The following BMPR1A variants were observed in gnomAD, a reference collection of about 807,000 sequenced individuals.
The protein encoded by BMPR1A is bone morphogenetic protein receptor type 1A.
A neutral mutation model predicts 66.0 loss-of-function variants in BMPR1A; 7 were observed. The ratio of observed to expected loss-of-function variants is 0.11; its 90% CI spans 0.06 to 0.20. The LOEUF (loss-of-function observed/expected upper bound fraction) is 0.20, where lower values mean the gene tolerates loss of function less well. Among genes scored for constraint, BMPR1A ranks in the 10% least tolerant of loss-of-function variants. The pLI, the probability that BMPR1A is intolerant of heterozygous loss-of-function variation, is 1.00. For synonymous variants in BMPR1A, 200 were observed against 229.7 expected, an observed-to-expected ratio of 0.87 and a Z score of 1.17; for missense variants, 408 against 669.1, an observed-to-expected ratio of 0.61 and a Z score of 4.31.
chr10:86,826,895 G>A (rs1842203406), intron 1 of BMPR1A, among the ~76,000 whole-genome samples: 1 of 148,844 alleles, frequency 6.7e-6, no homozygotes, highest in Non-Finnish European at 1.5e-5. Flanking sequence ...TTTATGTAAT[G>A]TGGGCATAGA....
chr10:86,828,755 G>T (rs1340294170), intron 1 of BMPR1A, among the ~76,000 whole-genome samples: 1 of 151,002 alleles, frequency 6.6e-6, no homozygotes, highest in African/African-American at 2.4e-5. Context: ...AAAACAAATG[G>T]TCTATTGATA....
intron 1 of BMPR1A, among the ~76,000 whole-genome samples, chr10:86,769,747 A>G (rs1841221720): frequency 6.6e-6 from 1 of 152,218 alleles, no homozygotes; most frequent in Admixed American, 6.5e-5. Context: ...TAAGAGAACC[A>G]TTCCTGGAGG....
chr10:86,831,847 C>T lies in BMPR1A; in HGVS notation c.-267-7018C>T, dbSNP rs1005857089. ...TCATTTTACCTACTTTTGGATTTTT[C>T]TCTTCAATGCCATTTGTCATTAACT... is the stretch of plus-strand genomic sequence containing the variant. On this transcript the variant is annotated intron_variant, in intron 1 of 12. Coordinates refer to ENST00000372037, the MANE Select transcript of BMPR1A (RefSeq NM_004329.3). Among the ~76,000 whole-genome samples, 43 of 152,170 alleles carry T rather than the reference C, an allele frequency of 2.8e-4. 1 individual carries two copies. The highest frequency in any genetic ancestry group is 2.4e-3 in the Admixed American group (37 of 15,280).
chr10:86,757,471 T>C (rs1056116570), intron 1 of BMPR1A, among the ~76,000 whole-genome samples: 1 of 152,186 alleles, frequency 6.6e-6, no homozygotes, highest in African/African-American at 2.4e-5. Context: ...TACTTCAGTT[T>C]TGGAAAACTT....
At chr10:86,806,037 T>C (rs1841885439) in intron 1 of BMPR1A, among the ~76,000 whole-genome samples, 1 of 152,116 alleles carries the variant, frequency 6.6e-6, no homozygotes, top group South Asian at 2.1e-4. Flanking sequence ...TTTCATGACA[T>C]CAACATTTTT....
chr10:86,912,811 AAG>A (rs1461346787), intron 8 of BMPR1A, among the ~76,000 whole-genome samples: 2 of 151,872 alleles, frequency 1.3e-5, no homozygotes, highest in Non-Finnish European at 2.9e-5. Flanking sequence ...TGAAATAAAA[AAG>A]AAGTTTCAAC....
chr10:86,907,351 G>A (rs1843412185), intron 7 of BMPR1A, among the ~76,000 whole-genome samples: 1 of 152,226 alleles, frequency 6.6e-6, no homozygotes, highest in Non-Finnish European at 1.5e-5. Flanking sequence ...GGGAGGGTAT[G>A]GAGAAAGGGG....
Position 86,926,735 on chromosome 10 carries a change from GTGT to G in BMPR1A, c.*3018_*3020del. 5.4e-6 allele frequency: 1 copy of G among 183,756 alleles called. No individual in the cohort carries two copies. The highest frequency in any genetic ancestry group is 1.2e-5 in the Non-Finnish European group (1 of 86,546). 11.4% of individuals were successfully genotyped at this position (183,756 alleles called of 1,614,324 possible). On this transcript the variant is annotated 3_prime_UTR_variant, in exon 13 of 13. Coordinates refer to ENST00000372037, the MANE Select transcript of BMPR1A (RefSeq NM_004329.3). ...ATTATTTGGTCCCACTTGCAATTTA[GTGT>G]TTTTGAAGTGTGTAGCTTCATTCAG...
intron 5 of BMPR1A, among the ~76,000 whole-genome samples, chr10:86,899,190 G>T (rs904341858): frequency 6.6e-6 from 1 of 152,232 alleles, no homozygotes; most frequent in African/African-American, 2.4e-5. Flanking sequence ...AACATCACAT[G>T]CAAGTGCTGC....
intron 1 of BMPR1A, among the ~76,000 whole-genome samples, chr10:86,813,016 A>G (rs946514419): frequency 2.6e-5 from 4 of 152,098 alleles, no homozygotes; most frequent in Non-Finnish European, 5.9e-5. Flanking sequence ...TACTGTCTTC[A>G]TAGTTTTGCT....
chr10:86,913,845 T>G (rs1428875165), intron 8 of BMPR1A, among the ~76,000 whole-genome samples: 1 of 152,156 alleles, frequency 6.6e-6, no homozygotes, highest in Non-Finnish European at 1.5e-5. Flanking sequence ...CTCAAATTGG[T>G]GTGTAATTTC....
At chr10:86,827,626 A>C (rs1357240824) in intron 1 of BMPR1A, among the ~76,000 whole-genome samples, 1 of 152,190 alleles carries the variant, frequency 6.6e-6, no homozygotes, top group Non-Finnish European at 1.5e-5. Flanking sequence ...GTCTTCTTTT[A>C]CACAGTTGTG....
intron 10 of BMPR1A, 67 bp downstream of exon 10, chr10:86,919,536 A>G: frequency 2.5e-6 from 4 of 1,574,380 alleles, no homozygotes; most frequent in Non-Finnish European, 3.5e-6. Flanking sequence ...CCCTATTTGT[A>G]TTCAAGATAA....
intron 2 of BMPR1A, among the ~76,000 whole-genome samples, chr10:86,857,392 ATTAT>A (rs1485433252): frequency 6.6e-6 from 1 of 152,216 alleles, no homozygotes; most frequent in Non-Finnish European, 1.5e-5. Context: ...GACTGAATAC[ATTAT>A]TTATTATACA....
intron 8 of BMPR1A, among the ~76,000 whole-genome samples, chr10:86,914,958 A>G (rs1352471991): frequency 6.6e-6 from 1 of 152,214 alleles, no homozygotes; most frequent in Non-Finnish European, 1.5e-5. Flanking sequence ...AACAACCCCA[A>G]AGCTCATGAA....
chr10:86,788,747 ACAGGTGCCTGCAC>A (rs1841554091), intron 1 of BMPR1A, among the ~76,000 whole-genome samples: 2 of 152,048 alleles, frequency 1.3e-5, no homozygotes, highest in African/African-American at 4.8e-5. Context: ...AGCTGGGATT[ACAGGTGCCTGCAC>A]CATGCCCGGC....
At chr10:86,817,280 A>G (rs1378963825) in intron 1 of BMPR1A, among the ~76,000 whole-genome samples, 2 of 152,172 alleles carry the variant, frequency 1.3e-5, no homozygotes, top group East Asian at 3.8e-4. Flanking sequence ...CTTGGCAACC[A>G]TGATTCTACT....
At chr10:86,819,046 G>T (rs1842077031) in intron 1 of BMPR1A, among the ~76,000 whole-genome samples, 1 of 152,138 alleles carries the variant, frequency 6.6e-6, no homozygotes, top group Non-Finnish European at 1.5e-5. Context: ...AAAGCATTGG[G>T]CATGCAAGTG....
intron 2 of BMPR1A, chr10:86,855,625 A>G: frequency 1.5e-6 from 1 of 648,226 alleles, no homozygotes; most frequent in Non-Finnish European, 2.8e-6. Flanking sequence ...CTTTCTGTAA[A>G]GGAAGTTCAC....
Sources: gnomAD v4.1 joint callset for allele counts (sites outside exome capture counted in the v4.1 genomes callset) on GRCh38, gnomAD v4.1.1 for gene constraint, MANE v1.5 for transcripts, NCBI Gene and HGNC (gene_info 2026-07-23, HGNC 2026-07-21) for gene names.